Variants in SPATA6 observed in about 807,000 individuals in gnomAD.
The protein encoded by SPATA6 is spermatogenesis-associated protein 6.
In SPATA6, 56 loss-of-function variants were observed where a neutral mutation model predicts 65.3. The ratio of observed to expected loss-of-function variants is 0.86; its 90% CI spans 0.69 to 1.07. The LOEUF (loss-of-function observed/expected upper bound fraction) is 1.07, where lower values mean the gene tolerates loss of function less well. SPATA6 is among the 50% of genes least tolerant of loss of function. The pLI is 0.00. For synonymous variants in SPATA6, 199 were observed against 213.2 expected (o/e 0.93, Z 0.58); for missense variants, 590 against 594.8 (o/e 0.99, Z 0.08).
In SPATA6 at chr1:48,368,284, CTT is replaced by C. The variant is rs560707842; in HGVS notation, c.910-8516_910-8515del. Among the ~76,000 whole-genome samples, 1,080 of 152,202 alleles carry C rather than the reference CTT, an allele frequency of 7.1e-3. 14 individuals carry two copies. The highest frequency in any genetic ancestry group is 0.025 in the African/African-American group (1,036 of 41,542). On this transcript the variant is annotated intron_variant, in intron 9 of 12. Transcript: ENST00000371847. ...GACAATTATGTGTCTTGGAGTTGCT[CTT>C]CTCGAGGAGTATCTTTGTGGCGTTC... is the stretch of plus-strand genomic sequence containing the variant.
intron 11 of SPATA6, among the ~76,000 whole-genome samples, chr1:48,309,888 T>C (rs567273201): frequency 3.9e-5 from 6 of 152,282 alleles, no homozygotes; most frequent in African/African-American, 1.2e-4. Context: ...ATGTTGAGAG[T>C]ACACTTTCAA....
chr1:48,308,076 A>C (rs1645105661), intron 11 of SPATA6, among the ~76,000 whole-genome samples: 2 of 151,972 alleles, frequency 1.3e-5, no homozygotes. Flanking sequence ...TAATATTTTA[A>C]ATATCATGAA....
At chr1:48,381,425 C>A (rs1648564468) in intron 9 of SPATA6, among the ~76,000 whole-genome samples, 1 of 152,054 alleles carries the variant, frequency 6.6e-6, no homozygotes, top group Non-Finnish European at 1.5e-5. Context: ...AAAGCTTCAC[C>A]TAGATGATTC....
chr1:48,417,492 C>G (rs990744234), intron 3 of SPATA6, among the ~76,000 whole-genome samples: 3 of 152,086 alleles, frequency 2.0e-5, no homozygotes, highest in African/African-American at 7.2e-5. Context: ...ATCTGAGTCT[C>G]AATTCAAACA....
intron 12 of SPATA6, among the ~76,000 whole-genome samples, chr1:48,304,736 A>T (rs1470666416): frequency 1.3e-5 from 2 of 152,184 alleles, no homozygotes; most frequent in African/African-American, 4.8e-5. Context: ...TATATTTTTT[A>T]AAAACAACTT....
the SPATA6 span, among the ~76,000 whole-genome samples, chr1:48,282,609 G>C: frequency 6.6e-6 from 1 of 152,172 alleles, no homozygotes; most frequent in Non-Finnish European, 1.5e-5. Context: ...GGCCATCAGA[G>C]AAATGCAAAT....
chr1:48,471,821 G>C (rs1406458370), intron 1 of SPATA6, 137 bp downstream of exon 1: 2 of 1,012,998 alleles, frequency 2.0e-6, no homozygotes, highest in African/African-American at 1.6e-5. Context: ...GGGCAGGACC[G>C]AAGGGGCGTG....
rs112871307 is a variant in SPATA6 at position 48,411,569 on chromosome 1, C to T, written c.300G>A (p.Thr100=). The part of the protein sequence containing the change: ...LVPPVGETLS[T]YDENTRDFMF... ...TGAAATCTCGTGTATTTTCGTCATA[C>T]GTAGACAGTGTTTCACCCACTACAA... The change falls in exon 5 of 13, where the codon ACG becomes ACA. Residue 100 remains threonine, a synonymous_variant. Transcript: ENST00000371847. 2.5e-6 allele frequency: 4 copies of T among 1,602,246 alleles called. No homozygotes were observed. The highest frequency in any genetic ancestry group is 1.7e-5 in the Admixed American group (1 of 58,492).
At chr1:48,452,871 T>G (rs1057112844) in intron 2 of SPATA6, 123 bp downstream of exon 2, 6 of 1,184,642 alleles carry the variant, frequency 5.1e-6, no homozygotes, top group African/African-American at 3.2e-5. Context: ...GTTACAAATG[T>G]CCTTTTGAAT....
chr1:48,327,494 G>T (rs1181493587), intron 11 of SPATA6, among the ~76,000 whole-genome samples: 1 of 152,016 alleles, frequency 6.6e-6, no homozygotes, highest in Non-Finnish European at 1.5e-5. Flanking sequence ...CCCACTGGTG[G>T]GTATTTACCC....
intron 9 of SPATA6, among the ~76,000 whole-genome samples, chr1:48,366,736 C>T (rs1002044163): frequency 9.9e-5 from 15 of 152,018 alleles, no homozygotes; most frequent in Non-Finnish European, 1.8e-4. Context: ...TTGATCTTTT[C>T]AAAAAACCAG....
chr1:48,452,278 A>G (rs1442779720), intron 2 of SPATA6, among the ~76,000 whole-genome samples: 1 of 152,236 alleles, frequency 6.6e-6, no homozygotes, highest in Non-Finnish European at 1.5e-5. Context: ...AAAGTGAGAA[A>G]GAAGGAAATT....
At chr1:48,380,672 C>G (rs1307525857) in intron 9 of SPATA6, among the ~76,000 whole-genome samples, 1 of 152,170 alleles carries the variant, frequency 6.6e-6, no homozygotes, top group African/African-American at 2.4e-5. Context: ...ATGCTAGGTA[C>G]TACCAATTAT....
the SPATA6 span, among the ~76,000 whole-genome samples, chr1:48,267,946 T>A: frequency 6.6e-6 from 1 of 151,498 alleles, no homozygotes; most frequent in Non-Finnish European, 1.5e-5. Context: ...AGAGACGGGG[T>A]TTCACCGTGT....
intron 3 of SPATA6, among the ~76,000 whole-genome samples, chr1:48,442,539 G>A (rs1326680652): frequency 2.0e-5 from 3 of 151,756 alleles, no homozygotes; most frequent in East Asian, 3.9e-4. Flanking sequence ...GAAAGGGACA[G>A]AAAGTCAGAG....
intron 3 of SPATA6, among the ~76,000 whole-genome samples, chr1:48,430,642 T>C (rs1654315108): frequency 6.6e-6 from 1 of 152,188 alleles, no homozygotes. Context: ...TATTTTCAAA[T>C]ACTAGTATAT....
At chr1:48,428,670 G>A (rs917183536) in intron 3 of SPATA6, among the ~76,000 whole-genome samples, 1 of 152,054 alleles carries the variant, frequency 6.6e-6, no homozygotes, top group African/African-American at 2.4e-5. Context: ...AAAGGAGGAA[G>A]AAGTGGGGGT....
chr1:48,387,764 T>C (rs1649630475), intron 8 of SPATA6, among the ~76,000 whole-genome samples: 1 of 152,150 alleles, frequency 6.6e-6, no homozygotes, highest in Non-Finnish European at 1.5e-5. Flanking sequence ...GGGAATGAGA[T>C]TGGGCCTACA....
rs1376998710 is a variant in SPATA6 at position 48,304,427 on chromosome 1, C to G, written c.1286+1360G>C. ...AACCAATATTGGGGTTTACGGCAAA[C>G]TTTAAATTGACAGCAGCACTTCTGA... On this transcript the variant is annotated intron_variant, in intron 12 of 12. Coordinates refer to ENST00000371847, the MANE Select transcript of SPATA6 (RefSeq NM_019073.4). 3.3e-5 allele frequency among the ~76,000 whole-genome samples: 5 copies of G among 152,156 alleles called. No homozygotes were observed. The East Asian group carries it at 9.6e-4, about 29-fold the overall frequency.
Sources: allele counts gnomAD v4.1 joint callset (sites outside exome capture counted in the v4.1 genomes callset), GRCh38; gene constraint gnomAD v4.1.1; transcripts MANE v1.5; gene names NCBI Gene and HGNC (gene_info 2026-07-23, HGNC 2026-07-21).